CAPN14: variants seen among roughly 807,000 people sequenced by gnomAD.
CAPN14 encodes the protein calpain 14, also known as calpain-14.
A neutral mutation model predicts 101.3 loss-of-function variants in CAPN14; 94 were observed. The observed-to-expected ratio is 0.93, with a 90% confidence interval of 0.79 to 1.10. The LOEUF (loss-of-function observed/expected upper bound fraction) is 1.10, where lower values mean the gene tolerates loss of function less well. Ranked by LOEUF, CAPN14 falls within the 50% of genes least tolerant of loss-of-function variation. The pLI is 0.00. For missense variants in CAPN14, 837 were observed against 828.4 expected (o/e 1.01, Z -0.13); for synonymous variants, 338 against 317.9 (o/e 1.06, Z -0.67).
At chr2:31,225,097 A>C (rs556118857) in intron 2 of CAPN14, among the ~76,000 whole-genome samples, 142 of 152,216 alleles carry the variant, frequency 9.3e-4, no homozygotes, top group African/African-American at 3.3e-3. Flanking sequence ...TACTGTAAAA[A>C]TTAAAAACTC....
intron 2 of CAPN14, among the ~76,000 whole-genome samples, chr2:31,226,082 T>C (rs1158116908): frequency 1.3e-5 from 2 of 152,140 alleles, no homozygotes; most frequent in Non-Finnish European, 2.9e-5. Flanking sequence ...GAAATAAGGA[T>C]TGTGTTATCT....
At chr2:31,194,308 T>C in intron 9 of CAPN14, 101 bp downstream of exon 9, 1 of 807,968 alleles carries the variant, frequency 1.2e-6, no homozygotes, top group Non-Finnish European at 2.1e-6. Context: ...TTGATCTCTG[T>C]ACATGAAGTT....
At chr2:31,214,631 G>C (rs748098147) in intron 1 of CAPN14, among the ~76,000 whole-genome samples, 5 of 152,134 alleles carry the variant, frequency 3.3e-5, no homozygotes, top group Non-Finnish European at 7.4e-5. Flanking sequence ...GGAGGTCTAA[G>C]AACTTGGCTG....
At chr2:31,187,682 C>T in intron 15 of CAPN14, 76 bp downstream of exon 15, 1 of 1,326,930 alleles carries the variant, frequency 7.5e-7, no homozygotes, top group South Asian at 1.3e-5. Context: ...CAGGTGCAAA[C>T]CTATACTTTA....
chr2:31,203,578 G>T (rs991766006), intron 2 of CAPN14, among the ~76,000 whole-genome samples: 2 of 152,096 alleles, frequency 1.3e-5, no homozygotes, highest in African/African-American at 4.8e-5. Flanking sequence ...GGGTGGTAGG[G>T]GGGTTGTCTC....
upstream of CAPN14, among the ~76,000 whole-genome samples, chr2:31,221,549 T>G (rs113247086): frequency 2.9e-4 from 40 of 136,170 alleles, no homozygotes; most frequent in African/African-American, 1.2e-3. Context: ...TGGGGTTTGG[T>G]TTTTTTTTGG....
chr2:31,191,404 T>G lies in CAPN14; in HGVS notation c.1282A>C (p.Asn428His). 6.5e-7 allele frequency: 1 copy of G among 1,538,582 alleles called. No homozygotes were observed. The highest frequency in any genetic ancestry group is 8.7e-7 in the Non-Finnish European group (1 of 1,143,788). The stretch of plus-strand genomic sequence containing the variant: ...CGGTCAAGTGCAGAACTCACCTTGT[T>G]CATCTAAAAAACAAAAACAAAAACA... Reference protein sequence around the residue: ...LAIGFYLYRMNKYHDDQRRLP... With the variant: ...LAIGFYLYRMHKYHDDQRRLP... Residue 428 changes from asparagine to histidine, a missense_variant, in exon 12 of 22, where the codon AAC (asparagine) becomes CAC (histidine). Transcript: ENST00000403897.
intron 3 of CAPN14, 103 bp from the exon 4 acceptor site, chr2:31,202,355 G>C: frequency 1.2e-6 from 1 of 813,656 alleles, no homozygotes; most frequent in Non-Finnish European, 2.0e-6. Context: ...TTGTAGCCCA[G>C]TTTAGGAGAA....
chr2:31,181,536 T>C (rs1387342326), intron 16 of CAPN14, among the ~76,000 whole-genome samples: 4 of 147,948 alleles, frequency 2.7e-5, no homozygotes, highest in Non-Finnish European at 5.9e-5. Flanking sequence ...TATTTTATTA[T>C]TATACCTTAA....
chr2:31,193,199 G>A lies in CAPN14; in HGVS notation c.1046C>T (p.Thr349Met), dbSNP rs984634406. ...LLSQEAAQKW[T>M]YTMREGRWEK... is the part of the protein sequence containing the mutation. ...CCATCTCCCCTCCCGCATGGTGTAC[G>A]TCCACTTCTGGGCCGCCTCCTGGCT... Residue 349 changes from threonine to methionine, a missense_variant, in exon 10 of 22, where the codon ACG becomes ATG. Transcript: ENST00000403897. 2.1e-5 allele frequency: 33 copies of A among 1,551,500 alleles called. No homozygotes were observed. The highest frequency in any genetic ancestry group is 4.9e-5 in the East Asian group (2 of 40,924).
chr2:31,230,835 C>G lies in CAPN14; in HGVS notation c.-177+2956G>C, dbSNP rs1404282145. Among the ~76,000 whole-genome samples, 1 of 152,130 alleles carries G rather than the reference C, an allele frequency of 6.6e-6. No homozygotes were observed. Among genetic ancestry groups the G allele is most frequent in the Non-Finnish European group, 1.5e-5 (1 of 68,020 alleles). Reference sequence around the variant, plus strand: ...AGTTTTAAATTTTGCTAGTGCTAAACTTAGTTTTTTTCATTTTTCAGTTTG... The same window carrying G: ...AGTTTTAAATTTTGCTAGTGCTAAAGTTAGTTTTTTTCATTTTTCAGTTTG... On this transcript the variant is annotated intron_variant and NMD_transcript_variant, in intron 1 of 21. Transcript: ENST00000398824. The surrounding 1 kb of genome is among the most constrained non-coding windows in gnomAD (Gnocchi z 4.3).
At chr2:31,207,578 G>T (rs932920000) in intron 1 of CAPN14, among the ~76,000 whole-genome samples, 1 of 152,128 alleles carries the variant, frequency 6.6e-6, no homozygotes, top group Middle Eastern at 3.4e-3. Flanking sequence ...TACCAGCTGG[G>T]GCAACATGGC....
upstream of CAPN14, among the ~76,000 whole-genome samples, chr2:31,221,979 C>G (rs60868536): frequency 6.6e-6 from 1 of 152,156 alleles, no homozygotes; most frequent in South Asian, 2.1e-4. Flanking sequence ...GCATGGATGC[C>G]TCAGGTCTGC....
chr2:31,183,456 C>A (rs1381818373), intron 16 of CAPN14, among the ~76,000 whole-genome samples: 36 of 152,094 alleles, frequency 2.4e-4, no homozygotes, highest in Admixed American at 2.0e-3. Flanking sequence ...GGGCTAATAT[C>A]CAGAATCTAC....
intron 1 of CAPN14, among the ~76,000 whole-genome samples, chr2:31,214,813 T>C (rs967861672): frequency 1.3e-5 from 2 of 152,210 alleles, no homozygotes; most frequent in Admixed American, 6.5e-5. Context: ...GCTCGGCCTT[T>C]GTGGAAGTTG....
chr2:31,193,231 G>A lies in CAPN14; in HGVS notation c.1014C>T (p.Gly338=). Residue 338 remains glycine (G), a synonymous_variant, in exon 10 of 22, where the codon GGC becomes GGT. Transcript: ENST00000403897. ...VLLVICKLTP[G]LLSQEAAQKW... is the part of the protein sequence containing the mutation. ...TCTGGGCCGCCTCCTGGCTCAACAG[G>A]CCTGGGGTCAGTTTACAGATAACCA... 4.5e-6 allele frequency: 7 copies of A among 1,551,716 alleles called. No individual in the cohort carries two copies. Among genetic ancestry groups the A allele is most frequent in the Non-Finnish European group, 5.2e-6 (6 of 1,146,992 alleles).
intron 19 of CAPN14, 149 bp from the exon 20 acceptor site, chr2:31,177,291 T>C (rs116520788): frequency 0.021 from 12,732 of 594,542 alleles, 222 homozygotes; most frequent in South Asian, 0.039. Flanking sequence ...TTTTGAATGG[T>C]TTAATTGTTT....
At chr2:31,189,225 C>A in intron 13 of CAPN14, 48 bp downstream of exon 13, 1 of 1,518,710 alleles carries the variant, frequency 6.6e-7, no homozygotes, top group South Asian at 1.2e-5. Context: ...CCTTGCCTGT[C>A]CTCGTCCAAG....
intron 1 of CAPN14, among the ~76,000 whole-genome samples, chr2:31,215,044 T>G (rs1013361024): frequency 6.6e-6 from 1 of 152,134 alleles, no homozygotes; most frequent in Non-Finnish European, 1.5e-5. Flanking sequence ...ATGACTTCAG[T>G]GGAGTCACTC....
Sources: gnomAD v4.1 joint callset for allele counts (sites outside exome capture counted in the v4.1 genomes callset) on GRCh38, gnomAD v4.1.1 for gene constraint, Gnocchi (gnomAD v3.1) non-coding constraint, MANE v1.5 for transcripts, NCBI Gene and HGNC (gene_info 2026-07-23, HGNC 2026-07-21) for gene names.